The following AGBL4 variants were observed in gnomAD, a reference collection of about 807,000 sequenced individuals.
AGBL4 encodes cytosolic carboxypeptidase 6.
A neutral mutation model predicts 66.4 loss-of-function variants in AGBL4; 58 were observed. The ratio of observed to expected loss-of-function variants is 0.87; its 90% CI spans 0.71 to 1.09. AGBL4 has a LOEUF of 1.09. Among genes scored for constraint, AGBL4 ranks in the 50% least tolerant of loss-of-function variants. The pLI is 0.00. For missense variants in AGBL4, 579 were observed against 631.0 expected (o/e 0.92, Z 0.88); for synonymous variants, 234 against 222.9 (o/e 1.05, Z -0.44).
At chr1:49,083,943 A>G (rs1644852171) in intron 4 of AGBL4, among the ~76,000 whole-genome samples, 1 of 152,214 alleles carries the variant, frequency 6.6e-6, no homozygotes, top group South Asian at 2.1e-4. Flanking sequence ...AGTTCCAAAG[A>G]TCTCTAGAGC....
intron 1 of AGBL4, among the ~76,000 whole-genome samples, chr1:49,919,133 C>G (rs1262078494): frequency 2.0e-5 from 3 of 152,028 alleles, no homozygotes; most frequent in Non-Finnish European, 2.9e-5. Context: ...ATATCATACT[C>G]AATGGACAAA....
intron 3 of AGBL4, among the ~76,000 whole-genome samples, chr1:49,377,265 G>A (rs1644490573): frequency 6.6e-6 from 1 of 152,032 alleles, no homozygotes; most frequent in South Asian, 2.1e-4. Flanking sequence ...CAGTAATTAT[G>A]TACTATGTGC....
chr1:49,976,505 AT>A (rs1388992003), intron 1 of AGBL4, among the ~76,000 whole-genome samples: 1 of 152,072 alleles, frequency 6.6e-6, no homozygotes, highest in African/African-American at 2.4e-5. Context: ...TGGGTAGCCC[AT>A]TTTTTTCATC....
chr1:49,747,905 T>A (rs1651113172), intron 2 of AGBL4, among the ~76,000 whole-genome samples: 1 of 151,842 alleles, frequency 6.6e-6, no homozygotes, highest in South Asian at 2.1e-4. Context: ...TTGACAGGGT[T>A]ATCCAAAGAA....
At chr1:49,286,976 T>C (rs369737897) in intron 3 of AGBL4, among the ~76,000 whole-genome samples, 24 of 151,976 alleles carry the variant, frequency 1.6e-4, no homozygotes, top group South Asian at 2.1e-4. Context: ...TACAAGGCTA[T>C]AGTAACCAAA....
At chr1:48,783,934 C>G (rs1289155067) in intron 6 of AGBL4, among the ~76,000 whole-genome samples, 2 of 152,154 alleles carry the variant, frequency 1.3e-5, no homozygotes, top group African/African-American at 4.8e-5. Context: ...AAATGTCTAT[C>G]TAACCTTGGG....
chr1:49,547,814 C>A (rs1652616321), intron 3 of AGBL4, among the ~76,000 whole-genome samples: 1 of 151,110 alleles, frequency 6.6e-6, no homozygotes, highest in South Asian at 2.1e-4. Context: ...TACTCTGTCA[C>A]CCAGGCTGGA....
At chr1:49,634,446 CT>C (rs1645632297) in intron 3 of AGBL4, among the ~76,000 whole-genome samples, 1 of 152,158 alleles carries the variant, frequency 6.6e-6, no homozygotes, top group South Asian at 2.1e-4. Flanking sequence ...GCCACATCTT[CT>C]TTATCCAGTC....
chr1:49,845,671 A>G, intron 2 of AGBL4: 1 of 1,606,158 alleles, frequency 6.2e-7, no homozygotes, highest in Non-Finnish European at 8.5e-7. Flanking sequence ...CTGTGAGTGC[A>G]GTGAGTCTGG....
At chr1:48,885,414 C>G (rs1455920993) in intron 5 of AGBL4, among the ~76,000 whole-genome samples, 2 of 152,142 alleles carry the variant, frequency 1.3e-5, no homozygotes, top group African/African-American at 4.8e-5. Flanking sequence ...GTTTGCTGAT[C>G]TACTAATCTA....
intron 3 of AGBL4, among the ~76,000 whole-genome samples, chr1:49,330,958 A>G (rs1260549887): frequency 6.6e-6 from 1 of 152,176 alleles, no homozygotes; most frequent in Non-Finnish European, 1.5e-5. Context: ...CCTGGGAGCA[A>G]CACAGAGACA....
At chr1:49,263,174 A>T (rs970014893) in intron 3 of AGBL4, among the ~76,000 whole-genome samples, 38 of 151,692 alleles carry the variant, frequency 2.5e-4, no homozygotes, top group African/African-American at 8.5e-4. Context: ...GGGAGTGGGG[A>T]GGGATAGCAT....
At chr1:49,448,132 T>C (rs534349199) in intron 3 of AGBL4, among the ~76,000 whole-genome samples, 1 of 152,228 alleles carries the variant, frequency 6.6e-6, no homozygotes, top group East Asian at 1.9e-4. Context: ...AGACCTAAAT[T>C]TGAAAAATAA....
chr1:48,558,782 C>A (rs1644357487), intron 11 of AGBL4, among the ~76,000 whole-genome samples: 1 of 152,094 alleles, frequency 6.6e-6, no homozygotes, highest in Non-Finnish European at 1.5e-5. Context: ...AAACAAGTAT[C>A]CCTTTGGACT....
chr1:49,957,765 G>T (rs992139207), intron 1 of AGBL4, among the ~76,000 whole-genome samples: 1 of 152,040 alleles, frequency 6.6e-6, no homozygotes, highest in Non-Finnish European at 1.5e-5. Flanking sequence ...CTGCACTTGA[G>T]ATGGGTCTCC....
chr1:49,882,955 T>A (rs114688094), intron 1 of AGBL4, among the ~76,000 whole-genome samples: 1 of 152,210 alleles, frequency 6.6e-6, no homozygotes, highest in Admixed American at 6.5e-5. Flanking sequence ...TATGCAAAAA[T>A]CCTATTCATA....
At chr1:49,451,070 T>A (rs1646268235) in intron 3 of AGBL4, among the ~76,000 whole-genome samples, 1 of 152,084 alleles carries the variant, frequency 6.6e-6, no homozygotes, top group South Asian at 2.1e-4. Flanking sequence ...ACATTCTTGT[T>A]ATTAGCAGAA....
chr1:49,207,533 TTTTCTTTCTTTTC>T (rs1648283034), intron 4 of AGBL4, among the ~76,000 whole-genome samples: 12 of 118,112 alleles, frequency 1.0e-4, no homozygotes, highest in Non-Finnish European at 3.7e-5. Context: ...CTCTCTTTCT[TTTTCTTTCTTTTC>T]TTTCTTTCTT....
At chr1:49,027,612 C>T (rs1486229665) in intron 5 of AGBL4, among the ~76,000 whole-genome samples, 1 of 152,096 alleles carries the variant, frequency 6.6e-6, no homozygotes, top group Non-Finnish European at 1.5e-5. Flanking sequence ...CTACCTACTT[C>T]CTAGTCTATA....
Sources: allele counts gnomAD v4.1 joint callset (sites outside exome capture counted in the v4.1 genomes callset), GRCh38; gene constraint gnomAD v4.1.1; transcripts MANE v1.5; gene names NCBI Gene and HGNC (gene_info 2026-07-23, HGNC 2026-07-21).